The following TPCN2 variants were observed in gnomAD, a reference collection of about 807,000 sequenced individuals.
TPCN2 encodes the protein two pore segment channel 2.
A neutral mutation model predicts 111.4 loss-of-function variants in TPCN2; 92 were observed. The ratio of observed to expected loss-of-function variants is 0.83; its 90% CI spans 0.70 to 0.98. The LOEUF (loss-of-function observed/expected upper bound fraction) is 0.98. TPCN2 is among the 50% of genes least tolerant of loss of function. The pLI is 0.00. For synonymous variants in TPCN2, 405 were observed against 414.5 expected (o/e 0.98, Z 0.28); for missense variants, 995 against 980.1 (o/e 1.02, Z -0.20).
chr11:69,064,495 A>G (rs897125732), intron 7 of TPCN2, among the ~76,000 whole-genome samples: 8 of 151,380 alleles, frequency 5.3e-5, no homozygotes, highest in Non-Finnish European at 1.0e-4. Context: ...CTCCCACCAT[A>G]TCCTCCTCTG....
intron 1 of TPCN2, 63 bp downstream of exon 1, chr11:69,049,169 C>G: frequency 9.5e-7 from 1 of 1,055,384 alleles, no homozygotes; most frequent in East Asian, 3.2e-5. Flanking sequence ...GTGGGGGTCC[C>G]GCTGTCCCAG....
intron 13 of TPCN2, among the ~76,000 whole-genome samples, chr11:69,076,902 A>G (rs1235078115): frequency 1.2e-4 from 7 of 58,654 alleles, no homozygotes; most frequent in African/African-American, 2.6e-4. Context: ...CCCTCCTGCC[A>G]TGTCCCTCCA....
intron 5 of TPCN2, among the ~76,000 whole-genome samples, chr11:69,059,879 GTTGTGC>G (rs1348513172): frequency 1.3e-5 from 2 of 152,264 alleles, no homozygotes; most frequent in Non-Finnish European, 2.9e-5. Flanking sequence ...TGGCTGAGTG[GTTGTGC>G]TATTGGCACC....
At chr11:69,054,869 G>T in intron 3 of TPCN2, 72 bp downstream of exon 3, 1 of 1,468,200 alleles carries the variant, frequency 6.8e-7, no homozygotes, top group South Asian at 1.2e-5. Flanking sequence ...CCCCCACCTG[G>T]GGATCACCTG....
chr11:69,050,724 A>G (rs1314810812), intron 1 of TPCN2, among the ~76,000 whole-genome samples: 1 of 152,222 alleles, frequency 6.6e-6, no homozygotes, highest in African/African-American at 2.4e-5. Context: ...AATACTAAGG[A>G]CTGCCTGGCG....
At position 69,088,057 on chromosome 11, in the gene TPCN2, G is replaced by C; in HGVS notation, c.*104G>C. ...CATGCTGTGGCCAGCCAGGCAGGAA[G>C]AGACCTTTCCTCTGACGGACCACTA... is the stretch of plus-strand genomic sequence containing the variant. On this transcript the variant is annotated 3_prime_UTR_variant, in exon 25 of 25. Coordinates refer to ENST00000294309, the MANE Select transcript of TPCN2 (RefSeq NM_139075.4). 9.9e-7 allele frequency: 1 copy of C among 1,007,290 alleles called. No individual in the cohort carries two copies. Among genetic ancestry groups the C allele is most frequent in the Non-Finnish European group, 1.4e-6 (1 of 692,792 alleles). 62.4% of individuals were successfully genotyped at this position (1,007,290 alleles called of 1,614,324 possible).
rs1856390820 is a variant in TPCN2, at chr11:69,090,028, A to C, written c.*2075A>C. On this transcript the variant is annotated 3_prime_UTR_variant, in exon 25 of 25. Coordinates refer to ENST00000294309, the MANE Select transcript of TPCN2 (RefSeq NM_139075.4). ...TGCCCCTTTCTCTTTCATTTATTGG[A>C]GTGAGCTGCAGCTCTAAGAAGACCT... 1 of 152,130 alleles carries C rather than the reference A, an allele frequency of 6.6e-6. No homozygotes were observed. Among genetic ancestry groups the C allele is most frequent in the Non-Finnish European group, 1.5e-5 (1 of 68,042 alleles). The allele number at this position is 152,130 out of a possible 1,614,324, so 9.4% of individuals were successfully genotyped here.
At chr11:69,050,412 G>T (rs1171464903) in intron 1 of TPCN2, among the ~76,000 whole-genome samples, 1 of 152,210 alleles carries the variant, frequency 6.6e-6, no homozygotes, top group Non-Finnish European at 1.5e-5. Context: ...GTATCACTCT[G>T]TCACCCAGGC....
At chr11:69,083,301 G>A (rs556032133) in intron 18 of TPCN2, 10 of 153,394 alleles carry the variant, frequency 6.5e-5, no homozygotes, top group African/African-American at 2.2e-4. Context: ...GACACGCAAC[G>A]TGTGCACACG....
chr11:69,060,505 G>T (rs1854973437), intron 5 of TPCN2, among the ~76,000 whole-genome samples: 1 of 152,202 alleles, frequency 6.6e-6, no homozygotes, highest in African/African-American at 2.4e-5. Flanking sequence ...GTTCACTCTT[G>T]TCTTTGCCAG....
Position 69,054,039 on chromosome 11 carries a change from C to T in TPCN2, c.116C>T (p.Ala39Val), listed in dbSNP as rs150671549. 1.3e-3 allele frequency: 2,131 copies of T among 1,613,778 alleles called. 15 individuals carry two copies. Among genetic ancestry groups the T allele is most frequent in the South Asian group, 9.2e-3 (838 of 91,078 alleles). Reference sequence around the variant, plus strand: ...GTGTCCCCTCTGCCTGCAGGTGCCGCGGCCAGGTGGGACCTCTGCATTGAT... The same window carrying T: ...GTGTCCCCTCTGCCTGCAGGTGCCGTGGCCAGGTGGGACCTCTGCATTGAT... The part of the protein sequence containing the change: ...YRSIQVGPGA[A>V]ARWDLCIDQA... The change falls in exon 2 of 25, where the codon GCG becomes GTG. Residue 39 changes from alanine to valine, a missense_variant. Ala to Val is a moderately conservative substitution (Grantham distance 64). Transcript: ENST00000294309.
chr11:69,062,992 TGG>T lies in TPCN2; in HGVS notation c.653+4_653+5del. 6.2e-7 allele frequency: 1 copy of T among 1,613,530 alleles called. No individual in the cohort carries two copies. On this transcript the variant is annotated splice_donor_region_variant and intron_variant, in intron 6 of 24. Transcript: ENST00000294309. ...CTGGTCGCTGCCGGAAATGGCCAGG[TGG>T]GCTCTTGGTGCTCTGGGCTCGCAGG...
At chr11:69,086,094 C>G (rs1221086809) in intron 22 of TPCN2, among the ~76,000 whole-genome samples, 164 bp downstream of exon 22, 1 of 152,206 alleles carries the variant, frequency 6.6e-6, no homozygotes, top group African/African-American at 2.4e-5. Flanking sequence ...TTGCCTTGTC[C>G]CTGCCCCCTG....
chr11:69,062,632 C>T (rs914230530), intron 5 of TPCN2, among the ~76,000 whole-genome samples: 1 of 151,916 alleles, frequency 6.6e-6, no homozygotes, highest in Non-Finnish European at 1.5e-5. Flanking sequence ...GATTGGGGAA[C>T]CTGTGTGTGC....
chr11:69,067,265 G>A (rs541824501), intron 7 of TPCN2, among the ~76,000 whole-genome samples: 5 of 152,330 alleles, frequency 3.3e-5, no homozygotes, highest in East Asian at 3.9e-4. Context: ...GTTCTGAGCC[G>A]GCCTGCTTCC....
At chr11:69,065,076 A>G (rs1297473351) in intron 7 of TPCN2, among the ~76,000 whole-genome samples, 1 of 149,820 alleles carries the variant, frequency 6.7e-6, no homozygotes, top group Non-Finnish European at 1.5e-5. Flanking sequence ...GTGTGCATGC[A>G]TGGTGTCTGT....
At chr11:69,066,078 C>T (rs1216791749) in intron 7 of TPCN2, among the ~76,000 whole-genome samples, 1 of 152,120 alleles carries the variant, frequency 6.6e-6, no homozygotes, top group African/African-American at 2.4e-5. Flanking sequence ...CTCTATGGAC[C>T]TCAGCGTCTG....
At chr11:69,065,280 GC>G in intron 7 of TPCN2, among the ~76,000 whole-genome samples, 1 of 152,202 alleles carries the variant, frequency 6.6e-6, no homozygotes, top group Non-Finnish European at 1.5e-5. Flanking sequence ...AGCGCTGTTT[GC>G]CAGAGCCTGT....
intron 13 of TPCN2, among the ~76,000 whole-genome samples, chr11:69,073,656 C>T (rs1173296950): frequency 6.6e-6 from 1 of 152,254 alleles, no homozygotes; most frequent in Admixed American, 6.5e-5. Context: ...CATTTGTTAT[C>T]TCACAGTCCT....
Sources: gnomAD v4.1 joint callset for allele counts (sites outside exome capture counted in the v4.1 genomes callset) on GRCh38, gnomAD v4.1.1 for gene constraint, MANE v1.5 for transcripts, NCBI Gene and HGNC (gene_info 2026-07-23, HGNC 2026-07-21) for gene names.